The following CDH13 variants were observed in gnomAD, a reference collection of about 807,000 sequenced individuals.
CDH13 encodes cadherin-13.
CDH13 carries 24 observed loss-of-function variants against 63.8 expected under a neutral mutation model. The ratio of observed to expected loss-of-function variants is 0.38; its 90% confidence interval spans 0.27 to 0.53. The LOEUF (loss-of-function observed/expected upper bound fraction) is 0.53, where lower values mean the gene tolerates loss of function less well. CDH13 is among the 20% of genes least tolerant of loss of function. The probability of loss-of-function intolerance (pLI) is 0.85; values close to 1 mark genes in which losing one functional copy is unlikely to be tolerated. For synonymous variants in CDH13, 503 were observed against 355.3 expected, an observed-to-expected ratio of 1.42 and a Z score of -4.67; for missense variants, 1,049 against 903.1, an observed-to-expected ratio of 1.16 and a Z score of -2.07.
chr16:83,594,323 C>G (rs554906557), intron 7 of CDH13, among the ~76,000 whole-genome samples: 1 of 152,288 alleles, frequency 6.6e-6, no homozygotes, highest in Non-Finnish European at 1.5e-5. Context: ...GGATTATTCT[C>G]CCCCACTTTA....
chr16:83,015,377 A>G (rs933064622), intron 2 of CDH13, among the ~76,000 whole-genome samples: 1 of 151,788 alleles, frequency 6.6e-6, no homozygotes, highest in Non-Finnish European at 1.5e-5. Context: ...CTCCACCCTC[A>G]AAGTTCCTTG....
intron 6 of CDH13, among the ~76,000 whole-genome samples, chr16:83,354,168 A>G (rs182294501): frequency 6.6e-6 from 1 of 152,320 alleles, no homozygotes; most frequent in South Asian, 2.1e-4. Context: ...AGCAAAAGTG[A>G]AAAAGTCCTT....
At chr16:83,748,053 T>C (rs1246500793) in intron 10 of CDH13, 55 bp from the exon 11 acceptor site, 1 of 1,600,868 alleles carries the variant, frequency 6.2e-7, no homozygotes, top group Non-Finnish European at 8.6e-7. Context: ...ACTCTGTAAA[T>C]GTTTCTTGAA....
intron 6 of CDH13, among the ~76,000 whole-genome samples, chr16:83,352,723 T>C (rs769770914): frequency 6.6e-6 from 1 of 152,154 alleles, no homozygotes; most frequent in Admixed American, 6.6e-5. Context: ...ACCCCGTCTC[T>C]ACTAAAAATA....
At chr16:83,714,240 A>T (rs922213593) in intron 10 of CDH13, among the ~76,000 whole-genome samples, 5 of 152,218 alleles carry the variant, frequency 3.3e-5, no homozygotes, top group African/African-American at 1.2e-4. Context: ...TGTAGAGAGG[A>T]TCACGTTGCT....
intron 6 of CDH13, among the ~76,000 whole-genome samples, chr16:83,362,032 GT>G (rs2091171826): frequency 6.6e-6 from 1 of 152,040 alleles, no homozygotes; most frequent in African/African-American, 2.4e-5. Context: ...ATCTGTTTTT[GT>G]GTTTATCTCA....
At chr16:83,543,843 G>C (rs562710600) in intron 7 of CDH13, among the ~76,000 whole-genome samples, 1 of 152,314 alleles carries the variant, frequency 6.6e-6, no homozygotes, top group East Asian at 1.9e-4. Flanking sequence ...AGTAGTGCCA[G>C]CGTAGATAAA....
In CDH13 at chr16:83,678,403, A is replaced by T; in HGVS notation, c.1480A>T (p.Ser494Cys). The T allele has an allele frequency of 6.2e-7, 1 of 1,614,020 alleles. No individual in the cohort carries two copies. The highest frequency in any genetic ancestry group is 8.5e-7 in the Non-Finnish European group (1 of 1,179,896). Residue 494 changes from serine to cysteine, a missense_variant, in exon 10 of 14, where the codon AGC becomes TGC. Physicochemically the swap from Ser to Cys is moderately radical, Grantham distance 112. Coordinates refer to ENST00000567109, the MANE Select transcript of CDH13 (RefSeq NM_001257.5). Reference sequence around the variant, plus strand: ...CAGGCAGGAGGACCTCTCTGTGGGCAGCGTGCTGCTGACAGTGAATGCCAC... The same window carrying T: ...CAGGCAGGAGGACCTCTCTGTGGGCTGCGTGCTGCTGACAGTGAATGCCAC... ...VTRQEDLSVG[S>C]VLLTVNATDP...
At chr16:83,263,769 T>G (rs2151838272) in intron 5 of CDH13, among the ~76,000 whole-genome samples, 1 of 152,298 alleles carries the variant, frequency 6.6e-6, no homozygotes, top group East Asian at 1.9e-4. Context: ...GCTGCTGCCA[T>G]GGCCTCAATC....
chr16:83,676,770 C>G (rs1225833775), intron 9 of CDH13, among the ~76,000 whole-genome samples: 2 of 152,206 alleles, frequency 1.3e-5, no homozygotes, highest in Non-Finnish European at 2.9e-5. Context: ...CACACACTCT[C>G]CCATGTGTGG....
chr16:82,797,476 C>G (rs977792916), intron 1 of CDH13, among the ~76,000 whole-genome samples: 2 of 152,180 alleles, frequency 1.3e-5, no homozygotes, highest in Non-Finnish European at 1.5e-5. Flanking sequence ...AAGACCCCAG[C>G]AAGCTTCTCA....
rs531901208 is a variant in CDH13 at position 82,935,010 on chromosome 16, C to T, written c.157+76537C>T. Among the ~76,000 whole-genome samples the T allele has an allele frequency of 1.1e-3, 167 of 152,308 alleles. 1 individual carries two copies. The highest frequency in any genetic ancestry group is 2.5e-3 in the Admixed American group (39 of 15,298). On this transcript the variant is annotated intron_variant, in intron 2 of 13. Transcript: ENST00000567109. ...ACTTCCACATTTTTGGGTATCCTTA[C>T]GGCAGCACCCCGCTCCCTCGGTACC...
chr16:83,084,868 A>G (rs1286275489), intron 3 of CDH13, among the ~76,000 whole-genome samples: 5 of 152,214 alleles, frequency 3.3e-5, no homozygotes, highest in Non-Finnish European at 5.9e-5. Flanking sequence ...AGCCTGGGCA[A>G]TAAGCACAAA....
chr16:83,085,336 T>A (rs1178894070), intron 3 of CDH13, among the ~76,000 whole-genome samples: 2 of 152,098 alleles, frequency 1.3e-5, no homozygotes, highest in African/African-American at 4.8e-5. Context: ...TTACCTCCCC[T>A]AGGTCCCTCC....
intron 1 of CDH13, among the ~76,000 whole-genome samples, chr16:82,857,503 C>A (rs1283554191): frequency 1.3e-5 from 2 of 152,126 alleles, no homozygotes; most frequent in African/African-American, 4.8e-5. Context: ...TTCACTAAGT[C>A]ACACCTTGCC....
intron 6 of CDH13, among the ~76,000 whole-genome samples, chr16:83,404,462 T>G (rs2092012301): frequency 6.6e-6 from 1 of 152,188 alleles, no homozygotes; most frequent in Non-Finnish European, 1.5e-5. Flanking sequence ...TTCGCAGAAT[T>G]TTAGGAAGGA....
intron 6 of CDH13, among the ~76,000 whole-genome samples, chr16:83,411,278 G>T (rs1162866577): frequency 6.6e-6 from 1 of 152,154 alleles, no homozygotes; most frequent in Admixed American, 6.5e-5. Context: ...GGTCTTGTCT[G>T]GTTACCCCAC....
chr16:83,296,551 A>T (rs549733386), intron 5 of CDH13, among the ~76,000 whole-genome samples: 1 of 152,266 alleles, frequency 6.6e-6, no homozygotes, highest in South Asian at 2.1e-4. Context: ...CCTCGGAGTG[A>T]CTTGGAGGAT....
chr16:82,900,636 G>C (rs2041432738), intron 2 of CDH13, among the ~76,000 whole-genome samples: 1 of 152,186 alleles, frequency 6.6e-6, no homozygotes, highest in Non-Finnish European at 1.5e-5. Flanking sequence ...TTGAAGATGA[G>C]AGAGAGAAAC....
Sources: allele counts gnomAD v4.1 joint callset (sites outside exome capture counted in the v4.1 genomes callset), GRCh38; gene constraint gnomAD v4.1.1; transcripts MANE v1.5; gene names NCBI Gene and HGNC (gene_info 2026-07-23, HGNC 2026-07-21).